GRIK3: variants seen among roughly 807,000 people sequenced by gnomAD.
GRIK3 encodes glutamate receptor ionotropic, kainate 3.
Under a neutral mutation model 102.5 loss-of-function variants are expected in GRIK3, and 29 were observed. The ratio of observed to expected loss-of-function variants is 0.28; its 90% CI spans 0.21 to 0.39. The LOEUF is 0.39. Ranked by LOEUF, GRIK3 falls within the 10% of genes least tolerant of loss-of-function variation. GRIK3 has a pLI of 1.00. For missense variants in GRIK3, 908 were observed against 1,252.4 expected (o/e 0.73, Z 4.15); for synonymous variants, 511 against 504.9 (o/e 1.01, Z -0.16).
intron 1 of GRIK3, among the ~76,000 whole-genome samples, chr1:36,892,485 A>C (rs557145337): frequency 6.2e-5 from 9 of 145,698 alleles, no homozygotes; most frequent in African/African-American, 2.0e-4. Context: ...AAAAATAAAA[A>C]GAAAAGAAAA....
In GRIK3 at chr1:36,864,843, T is replaced by A. The variant is rs529165747; in HGVS notation, c.787-4826A>T. 2.9e-3 allele frequency among the ~76,000 whole-genome samples: 409 copies of A among 140,890 alleles called. 3 individuals are homozygous for A. Among genetic ancestry groups the A allele is most frequent in the African/African-American group, 0.01 (395 of 38,870 alleles). The allele number at this position is 140,890 out of a possible 152,430, so 92.4% of individuals were successfully genotyped here. On this transcript the variant is annotated intron_variant, in intron 5 of 15. Transcript: ENST00000373091. ...AAGAGGCTCTTTTGTCCAGCTCCATTTTTTTTTTTTTTTTAATTCAGACTG... is the reference window on the plus strand; with the variant it reads ...AAGAGGCTCTTTTGTCCAGCTCCATATTTTTTTTTTTTTTAATTCAGACTG...
At chr1:36,962,439 G>A (rs552783427) in intron 1 of GRIK3, among the ~76,000 whole-genome samples, 3 of 152,044 alleles carry the variant, frequency 2.0e-5, no homozygotes, top group South Asian at 2.1e-4. Context: ...TCAGCCCCAC[G>A]CCGCTTTTCA....
At chr1:36,828,043 T>G (rs1642773446) in intron 10 of GRIK3, among the ~76,000 whole-genome samples, 1 of 151,328 alleles carries the variant, frequency 6.6e-6, no homozygotes, top group Admixed American at 6.6e-5. Context: ...CTGGAGTCCT[T>G]TCAGTTCAGG....
chr1:36,903,651 A>G (rs1641254768), intron 1 of GRIK3, among the ~76,000 whole-genome samples: 4 of 152,266 alleles, frequency 2.6e-5, no homozygotes, highest in Admixed American at 2.6e-4. Context: ...GAAATGAGCT[A>G]TCAAGCCATG....
At chr1:36,873,676 T>C (rs1051639874) in intron 3 of GRIK3, among the ~76,000 whole-genome samples, 5 of 151,936 alleles carry the variant, frequency 3.3e-5, no homozygotes, top group African/African-American at 1.2e-4. Context: ...AATTTTCCTT[T>C]GGGGAAAAAC....
Position 36,980,844 on chromosome 1 carries a change from C to T in GRIK3, c.115+53150G>A, listed in dbSNP as rs994737744. On this transcript the variant is annotated intron_variant, in intron 1 of 15. Transcript: ENST00000373091. Reference sequence around the variant, plus strand: ...AGATGAACCATCACAAAATCCCAGCCTGGAAACCGTGAGAGAACTGCCTTG... The same window carrying T: ...AGATGAACCATCACAAAATCCCAGCTTGGAAACCGTGAGAGAACTGCCTTG... Among the ~76,000 whole-genome samples the T allele has an allele frequency of 5.9e-5, 9 of 152,128 alleles. 1 individual carries two copies. Among genetic ancestry groups the T allele is most frequent in the Admixed American group, 5.9e-4 (9 of 15,278 alleles).
chr1:37,017,968 T>C (rs1229536754), intron 1 of GRIK3, among the ~76,000 whole-genome samples: 1 of 152,186 alleles, frequency 6.6e-6, no homozygotes, highest in Non-Finnish European at 1.5e-5. Flanking sequence ...CTGCCATTTT[T>C]TTCAGACTTT....
At chr1:37,016,995 A>C (rs893463039) in intron 1 of GRIK3, among the ~76,000 whole-genome samples, 1 of 152,098 alleles carries the variant, frequency 6.6e-6, no homozygotes. Flanking sequence ...CAGGTGGATC[A>C]CCTGAGGTCA....
At chr1:36,915,567 C>T (rs1402824080) in intron 1 of GRIK3, among the ~76,000 whole-genome samples, 2 of 152,194 alleles carry the variant, frequency 1.3e-5, no homozygotes, top group African/African-American at 4.8e-5. Flanking sequence ...CAAATCTCAT[C>T]TTGAATCCCC....
At chr1:36,818,380 C>T (rs1570741778) in intron 12 of GRIK3, among the ~76,000 whole-genome samples, 2 of 152,202 alleles carry the variant, frequency 1.3e-5, no homozygotes, top group African/African-American at 2.4e-5. Context: ...TGAGGCACTT[C>T]CCTTGAAAGC....
chr1:36,801,943 C>T lies in GRIK3; in HGVS notation c.2668G>A (p.Ala890Thr), dbSNP rs1305385725. 6.2e-6 allele frequency: 10 copies of T among 1,613,938 alleles called. No individual in the cohort carries two copies. In the South Asian group the frequency reaches 6.6e-5, roughly 11 times the overall value. The stretch of plus-strand genomic sequence containing the variant: ...TTGAATGTGTGCATGTTGATGACGG[C>T]GTCAGTCTTGACCATCATGGGAGGC... ...PQPPMMVKTD[A>T]VINMHTFNDR... is the part of the protein sequence containing the mutation. Residue 890 changes from alanine to threonine, a missense_variant, in exon 16 of 16, where the codon GCC becomes ACC. Physicochemically the swap from Ala to Thr is moderately conservative, Grantham distance 58. Transcript: ENST00000373091.
intron 1 of GRIK3, among the ~76,000 whole-genome samples, chr1:36,972,364 C>T (rs1642152700): frequency 6.6e-6 from 1 of 152,212 alleles, no homozygotes; most frequent in Admixed American, 6.5e-5. Flanking sequence ...CTGATTCCAG[C>T]ATCTTGGAAG....
intron 1 of GRIK3, among the ~76,000 whole-genome samples, chr1:36,956,628 C>A (rs1641915680): frequency 6.6e-6 from 1 of 152,144 alleles, no homozygotes; most frequent in Non-Finnish European, 1.5e-5. Flanking sequence ...GAGAGGCGGA[C>A]CCTGAGCCCA....
intron 13 of GRIK3, among the ~76,000 whole-genome samples, chr1:36,811,998 C>T (rs890728736): frequency 7.9e-5 from 12 of 152,104 alleles, no homozygotes; most frequent in South Asian, 4.1e-4. Context: ...TGACGACAGG[C>T]GGCATCACAC....
At chr1:37,007,171 G>A (rs1298250523) in intron 1 of GRIK3, among the ~76,000 whole-genome samples, 5 of 152,242 alleles carry the variant, frequency 3.3e-5, no homozygotes, top group Non-Finnish European at 7.3e-5. Context: ...CTACATGCAG[G>A]CACTGAGCAG....
intron 9 of GRIK3, among the ~76,000 whole-genome samples, chr1:36,844,859 T>G (rs1640502213): frequency 6.6e-6 from 1 of 152,166 alleles, no homozygotes; most frequent in Non-Finnish European, 1.5e-5. Flanking sequence ...AGGTTAAAAC[T>G]CATGGTTGAT....
In GRIK3 at chr1:36,802,036, A is replaced by G. The variant is rs1557685571; in HGVS notation, c.2575T>C (p.Cys859Arg). 1 of 1,610,730 alleles carries G rather than the reference A, an allele frequency of 6.2e-7. No homozygotes were observed. The highest frequency in any genetic ancestry group is 1.7e-5 in the Admixed American group (1 of 59,818). Residue 859 changes from cysteine (C) to arginine (R), a missense_variant, in exon 16 of 16, where the codon TGC (cysteine) becomes CGC (arginine). Transcript: ENST00000373091. ...CGGATCTCATCGGCCACGGTGCTGCAGAAGGAACGCTGCAGGAGGGTGGAG... is the reference window on the plus strand; with the variant it reads ...CGGATCTCATCGGCCACGGTGCTGCGGAAGGAACGCTGCAGGAGGGTGGAG... ...KTAEREQRSF[C>R]STVADEIRFS...
At chr1:36,939,302 T>C (rs1641694951) in intron 1 of GRIK3, among the ~76,000 whole-genome samples, 1 of 152,246 alleles carries the variant, frequency 6.6e-6, no homozygotes, top group Non-Finnish European at 1.5e-5. Context: ...GCAAGGGTGC[T>C]GGAGGAAGAA....
chr1:36,990,374 T>C (rs1245495169), intron 1 of GRIK3, among the ~76,000 whole-genome samples: 1 of 152,132 alleles, frequency 6.6e-6, no homozygotes, highest in Non-Finnish European at 1.5e-5. Flanking sequence ...CATCACAAGA[T>C]CCTGCTTCTC....
Sources: allele counts gnomAD v4.1 joint callset (sites outside exome capture counted in the v4.1 genomes callset), GRCh38; gene constraint gnomAD v4.1.1; transcripts MANE v1.5; gene names NCBI Gene and HGNC (gene_info 2026-07-23, HGNC 2026-07-21).